The following SEC24B variants were observed in gnomAD, a reference collection of about 807,000 sequenced individuals.
SEC24B encodes the protein protein transport protein Sec24B.
Under a neutral mutation model 142.8 loss-of-function variants are expected in SEC24B, and 45 were observed. That is an observed-to-expected ratio of 0.32 (90% confidence interval 0.25 to 0.40). The LOEUF (loss-of-function observed/expected upper bound fraction) is 0.40, where lower values mean the gene tolerates loss of function less well. Ranked by LOEUF, SEC24B falls within the 10% of genes least tolerant of loss-of-function variation. The probability of loss-of-function intolerance (pLI) is 1.00; values close to 1 mark genes in which losing one functional copy is unlikely to be tolerated. For synonymous variants in SEC24B, 574 were observed against 568.2 expected (o/e 1.01, Z -0.15); for missense variants, 1,409 against 1,526.8 (o/e 0.92, Z 1.29).
At chr4:109,520,597 T>C in intron 12 of SEC24B, 113 bp downstream of exon 12, 1 of 734,180 alleles carries the variant, frequency 1.4e-6, no homozygotes, top group Non-Finnish European at 2.4e-6. Flanking sequence ...TGCACTTTAG[T>C]ATTTGTTCAA....
intron 21 of SEC24B, 65 bp downstream of exon 21, chr4:109,532,808 T>C (rs975405413): frequency 3.6e-5 from 29 of 805,906 alleles, no homozygotes; most frequent in South Asian, 7.3e-5. Context: ...GAAACACTTA[T>C]AGGGTCCAGC....
chr4:109,446,250 C>T (rs543499328), intron 1 of SEC24B, among the ~76,000 whole-genome samples: 1 of 152,226 alleles, frequency 6.6e-6, no homozygotes, highest in Admixed American at 6.5e-5. Context: ...TAGAGAGACA[C>T]AGGACAAGTC....
At chr4:109,469,155 C>G (rs185921196) in intron 2 of SEC24B, among the ~76,000 whole-genome samples, 1 of 152,294 alleles carries the variant, frequency 6.6e-6, no homozygotes, top group African/African-American at 2.4e-5. Flanking sequence ...ATTCTTGAAT[C>G]ATGATTTCCT....
At chr4:109,448,218 TATGTTTTATTGGTC>T (rs1475449003) in intron 1 of SEC24B, among the ~76,000 whole-genome samples, 1 of 152,214 alleles carries the variant, frequency 6.6e-6, no homozygotes, top group Non-Finnish European at 1.5e-5. Flanking sequence ...GATATGGACA[TATGTTTTATTGGTC>T]ATGTTAAATA....
chr4:109,466,726 A>T (rs1731935902), intron 2 of SEC24B, among the ~76,000 whole-genome samples: 1 of 152,194 alleles, frequency 6.6e-6, no homozygotes, highest in Non-Finnish European at 1.5e-5. Flanking sequence ...TTTGTGTTAA[A>T]TTCAACCTTT....
intron 4 of SEC24B, among the ~76,000 whole-genome samples, chr4:109,482,715 G>C (rs1046844021): frequency 1.3e-5 from 2 of 148,234 alleles, no homozygotes; most frequent in Non-Finnish European, 3.0e-5. Flanking sequence ...CATGGCTCCT[G>C]CCAACCTTCG....
chr4:109,479,655 G>A (rs1320321469), intron 3 of SEC24B, among the ~76,000 whole-genome samples: 1 of 151,868 alleles, frequency 6.6e-6, no homozygotes, highest in African/African-American at 2.4e-5. Context: ...GGCTGGTCTT[G>A]AACTCCTGGC....
chr4:109,513,670 TA>T (rs1013910604), intron 9 of SEC24B, 76 bp from the exon 10 acceptor site: 16 of 780,358 alleles, frequency 2.1e-5, no homozygotes, highest in Middle Eastern at 2.3e-4. Context: ...TGATAATAGA[TA>T]TTTATTTTTA....
intron 1 of SEC24B, among the ~76,000 whole-genome samples, chr4:109,434,755 A>T (rs1468592237): frequency 6.6e-6 from 1 of 152,200 alleles, no homozygotes; most frequent in South Asian, 2.1e-4. Flanking sequence ...TCCTAGCTCC[A>T]CTTTCAGAGA....
Position 109,509,987 on chromosome 4 carries a change from A to G in SEC24B, c.1674-22A>G, listed in dbSNP as rs201421476. The G allele has an allele frequency of 6.2e-5, 90 of 1,449,260 alleles. No individual in the cohort carries two copies. In the Middle Eastern group the frequency reaches 8.7e-4, roughly 14 times the overall value. The allele number at this position is 1,449,260 out of a possible 1,614,324, so 89.8% of individuals were successfully genotyped here. On this transcript the variant is annotated intron_variant, in intron 7 of 23. Coordinates refer to ENST00000265175, the MANE Select transcript of SEC24B (RefSeq NM_006323.5). ...TTTTCTCTGATAGCTAATATCCTCCATGTTGTTTATGTTTTTTGCAGTTCA... is the reference window on the plus strand; with the variant it reads ...TTTTCTCTGATAGCTAATATCCTCCGTGTTGTTTATGTTTTTTGCAGTTCA...
intron 14 of SEC24B, among the ~76,000 whole-genome samples, chr4:109,524,266 A>C (rs1723977444): frequency 6.6e-6 from 1 of 152,182 alleles, no homozygotes; most frequent in Middle Eastern, 3.2e-3. Context: ...GCTCTAATAT[A>C]ATCATCATAC....
intron 1 of SEC24B, among the ~76,000 whole-genome samples, chr4:109,437,533 T>C (rs1157021168): frequency 1.3e-5 from 2 of 152,182 alleles, no homozygotes; most frequent in Non-Finnish European, 2.9e-5. Flanking sequence ...CAAGTGATCG[T>C]CCTGGCTAGA....
chr4:109,482,734 G>C (rs1014260835), intron 4 of SEC24B, among the ~76,000 whole-genome samples: 3 of 150,298 alleles, frequency 2.0e-5, no homozygotes, highest in Middle Eastern at 3.2e-3. Context: ...CGCCTCCCAG[G>C]CTCAAGCCAT....
At chr4:109,450,556 G>T (rs1160744621) in intron 1 of SEC24B, among the ~76,000 whole-genome samples, 1 of 151,384 alleles carries the variant, frequency 6.6e-6, no homozygotes, top group African/African-American at 2.4e-5. Context: ...TACTTGGGAG[G>T]CTGAGGCAGG....
intron 14 of SEC24B, among the ~76,000 whole-genome samples, chr4:109,523,680 A>G (rs1723909260): frequency 6.6e-6 from 1 of 152,064 alleles, no homozygotes; most frequent in Non-Finnish European, 1.5e-5. Flanking sequence ...ATGAGTATGA[A>G]TTAAACAGTT....
chr4:109,532,717 G>A lies in SEC24B; in HGVS notation c.3469G>A (p.Gly1157Ser), dbSNP rs1356615877. Residue 1157 changes from glycine (G) to serine (S), a missense_variant, in exon 21 of 24, where the codon GGT becomes AGT. Physicochemically the swap from Gly to Ser is moderately conservative, Grantham distance 56 (BLOSUM62 0). Transcript: ENST00000265175. ...KLSAEKLTRE[G>S]AFLMDCGSVF... ...GTCTGCAGAGAAGCTGACAAGAGAAGGTGCTTTCCTTATGGACTGTGGCTC... is the reference window on the plus strand; with the variant it reads ...GTCTGCAGAGAAGCTGACAAGAGAAAGTGCTTTCCTTATGGACTGTGGCTC... The A allele has an allele frequency of 6.2e-7, 1 of 1,605,192 alleles. No homozygotes were observed. Among genetic ancestry groups the A allele is most frequent in the Non-Finnish European group, 8.5e-7 (1 of 1,171,998 alleles).
chr4:109,539,961 G>A lies in SEC24B; in HGVS notation c.*286G>A. 3.8e-6 allele frequency: 1 copy of A among 264,214 alleles called. No individual in the cohort carries two copies. Among genetic ancestry groups the A allele is most frequent in the Non-Finnish European group, 7.0e-6 (1 of 143,148 alleles). 16.4% of individuals were successfully genotyped at this position (264,214 alleles called of 1,614,324 possible). The stretch of plus-strand genomic sequence containing the variant: ...TACAGTGCTCTGTTCATTGCAAGCT[G>A]GCAAATTTATGTAGCTATGTGGAAT... On this transcript the variant is annotated 3_prime_UTR_variant, in exon 24 of 24. Coordinates refer to ENST00000265175, the MANE Select transcript of SEC24B (RefSeq NM_006323.5).
At chr4:109,529,667 TG>T in intron 18 of SEC24B, among the ~76,000 whole-genome samples, 1 of 152,308 alleles carries the variant, frequency 6.6e-6, no homozygotes, top group South Asian at 2.1e-4. Context: ...GTTTGAGTAA[TG>T]GAAACCTTCC....
rs1236435279 is a variant in SEC24B, at chr4:109,434,012, G to A, written c.133+10G>A. ...CCGCACCAGCAGAACGGTGAGGCGG[G>A]CGGCCCGGGCGGAGCGCGGGGCCTA... On this transcript the variant is annotated intron_variant, in intron 1 of 23. Transcript: ENST00000265175. 4 of 1,137,240 alleles carry A rather than the reference G, an allele frequency of 3.5e-6. No individual in the cohort carries two copies. The highest frequency in any genetic ancestry group is 4.9e-5 in the Admixed American group (1 of 20,416). 70.4% of individuals were successfully genotyped at this position (1,137,240 alleles called of 1,614,324 possible).
Sources: allele counts gnomAD v4.1 joint callset (sites outside exome capture counted in the v4.1 genomes callset), GRCh38; gene constraint gnomAD v4.1.1; transcripts MANE v1.5; gene names NCBI Gene and HGNC (gene_info 2026-07-23, HGNC 2026-07-21).